Variants in LOC128462377 observed in about 807,000 individuals in gnomAD.
At chr16:89,339,213 C>T in the LOC128462377 span, among the ~76,000 whole-genome samples, 2 of 152,328 alleles carry the variant, frequency 1.3e-5, no homozygotes, top group Admixed American at 1.3e-4. Flanking sequence ...TTTTTCAGTC[C>T]ATTATCACAA....
the LOC128462377 span, among the ~76,000 whole-genome samples, chr16:89,334,181 A>G: frequency 3.5e-5 from 5 of 143,708 alleles, no homozygotes; most frequent in East Asian, 6.2e-4. Context: ...AAACAGAGAG[A>G]GAGAGAAAGA....
the LOC128462377 span, among the ~76,000 whole-genome samples, chr16:89,347,527 C>T: frequency 1.3e-5 from 2 of 149,180 alleles, no homozygotes; most frequent in East Asian, 4.0e-4. Context: ...AGGAGAATGG[C>T]GTGAACCTGG....
the LOC128462377 span, chr16:89,372,873 T>C: frequency 1.5e-4 from 23 of 152,344 alleles, no homozygotes; most frequent in African/African-American, 5.5e-4. Flanking sequence ...CGTTCATCAG[T>C]GGTCCCCGTT....
the LOC128462377 span, chr16:89,317,155 A>G: frequency 1.0e-6 from 1 of 986,716 alleles, no homozygotes; most frequent in Non-Finnish European, 1.6e-6. Flanking sequence ...CGCACTCAAC[A>G]GACTCAGTAA....
At chr16:89,332,723 G>A in the LOC128462377 span, among the ~76,000 whole-genome samples, 1 of 152,310 alleles carries the variant, frequency 6.6e-6, no homozygotes, top group East Asian at 1.9e-4. Flanking sequence ...GGTCTGCACT[G>A]CCCTCTCTGA....
the LOC128462377 span, chr16:89,324,102 G>A: frequency 2.7e-5 from 12 of 444,710 alleles, no homozygotes; most frequent in East Asian, 9.3e-4. Context: ...TGCCGGCCTC[G>A]GCCTCCCAAA....
the LOC128462377 span, among the ~76,000 whole-genome samples, chr16:89,326,536 A>C: frequency 4.4e-3 from 667 of 152,262 alleles, 6 homozygotes; most frequent in African/African-American, 0.016. Context: ...TTTGGGCCCA[A>C]GAGTTTGAGA....
At chr16:89,407,243 G>A in the LOC128462377 span, among the ~76,000 whole-genome samples, 9 of 151,900 alleles carry the variant, frequency 5.9e-5, no homozygotes, top group East Asian at 9.7e-4. Context: ...GAAGGCACAC[G>A]AGGAACATCA....
At chr16:89,387,049 C>A in the LOC128462377 span, among the ~76,000 whole-genome samples, 6 of 152,050 alleles carry the variant, frequency 3.9e-5, no homozygotes, top group Admixed American at 6.6e-5. Flanking sequence ...TGCTTTCAGA[C>A]CTCCTGGAAG....
At chr16:89,390,857 T>C in the LOC128462377 span, among the ~76,000 whole-genome samples, 2 of 152,184 alleles carry the variant, frequency 1.3e-5, no homozygotes, top group Non-Finnish European at 1.5e-5. Context: ...TGACTGTGCA[T>C]ATCCTTTGCA....
chr16:89,324,175 G>A, the LOC128462377 span: 418 of 1,141,750 alleles, frequency 3.7e-4, no homozygotes, highest in African/African-American at 4.7e-3. Flanking sequence ...CTGTTATCAC[G>A]GCGGGGGGTG....
the LOC128462377 span, among the ~76,000 whole-genome samples, chr16:89,375,598 C>T: frequency 0.51 from 76,732 of 151,482 alleles, 20,358 homozygotes; most frequent in Middle Eastern, 0.69. Flanking sequence ...TGATTACAGG[C>T]GCCCGCCACC....
At chr16:89,359,553 C>G in the LOC128462377 span, among the ~76,000 whole-genome samples, 3,191 of 152,304 alleles carry the variant, frequency 0.021, 124 homozygotes, top group African/African-American at 0.073. Context: ...AGTCTTGATT[C>G]TTCAGGCTAA....
At chr16:89,318,784 T>G in the LOC128462377 span, among the ~76,000 whole-genome samples, 1 of 152,224 alleles carries the variant, frequency 6.6e-6, no homozygotes, top group African/African-American at 2.4e-5. Flanking sequence ...ACAGGTGAAG[T>G]TATTCTGGAG....
At chr16:89,357,649 G>A in the LOC128462377 span, among the ~76,000 whole-genome samples, 507 of 152,332 alleles carry the variant, frequency 3.3e-3, 1 homozygote, top group African/African-American at 0.012. Context: ...AGCAGAATGC[G>A]TCTGCACACA....
the LOC128462377 span, among the ~76,000 whole-genome samples, chr16:89,363,036 T>A: frequency 0.011 from 1,711 of 149,700 alleles, 44 homozygotes; most frequent in African/African-American, 0.041. Context: ...GCAAAACTGC[T>A]GGCGAGTGTA....
chr16:89,404,081 CA>C, the LOC128462377 span, among the ~76,000 whole-genome samples: 1 of 152,232 alleles, frequency 6.6e-6, no homozygotes, highest in Non-Finnish European at 1.5e-5. Flanking sequence ...GCAAACGCTG[CA>C]TCACATAAGC....
At chr16:89,401,079 TTC>T in the LOC128462377 span, among the ~76,000 whole-genome samples, 1 of 151,514 alleles carries the variant, frequency 6.6e-6, no homozygotes, top group African/African-American at 2.4e-5. Context: ...TGTTATATAT[TTC>T]TCTCTCCCCC....
the LOC128462377 span, among the ~76,000 whole-genome samples, chr16:89,379,924 T>G: frequency 6.6e-6 from 1 of 152,126 alleles, no homozygotes; most frequent in Non-Finnish European, 1.5e-5. Context: ...ACCTTTTCAG[T>G]TTTCCAATCA....
Sources: allele counts gnomAD v4.1 joint callset (sites outside exome capture counted in the v4.1 genomes callset), GRCh38; gene constraint gnomAD v4.1.1; transcripts MANE v1.5.